The following GUCY2C variants were observed in gnomAD, a reference collection of about 807,000 sequenced individuals.
The protein encoded by GUCY2C is guanylate cyclase 2C, also known as guanylyl cyclase C.
GUCY2C carries 118 observed loss-of-function variants against 131.1 expected under a neutral mutation model. The ratio of observed to expected loss-of-function variants is 0.90; its 90% CI spans 0.78 to 1.05. The LOEUF is 1.05. GUCY2C is among the 50% of genes least tolerant of loss of function. The pLI, the probability that GUCY2C is intolerant of heterozygous loss-of-function variation, is 0.00. For missense variants in GUCY2C, 1,161 were observed against 1,304.4 expected (o/e 0.89, Z 1.69); for synonymous variants, 452 against 457.8 (o/e 0.99, Z 0.16).
intron 4 of GUCY2C, 114 bp from the exon 5 acceptor site, chr12:14,681,591 G>T: frequency 1.2e-6 from 1 of 839,540 alleles, no homozygotes; most frequent in Non-Finnish European, 1.9e-6. Context: ...ATTCATTTCT[G>T]CTATTAACAC....
At chr12:14,668,082 C>T (rs928617610) in intron 10 of GUCY2C, among the ~76,000 whole-genome samples, 13 of 146,510 alleles carry the variant, frequency 8.9e-5, no homozygotes, top group Non-Finnish European at 1.5e-4. Flanking sequence ...TGGCTCACTG[C>T]AGCCCCAACT....
chr12:14,619,552 A>G (rs925925829), intron 23 of GUCY2C, among the ~76,000 whole-genome samples: 1 of 152,242 alleles, frequency 6.6e-6, no homozygotes, highest in Non-Finnish European at 1.5e-5. Flanking sequence ...TTTGTAGCAA[A>G]TAGGAAGGCA....
intron 4 of GUCY2C, among the ~76,000 whole-genome samples, chr12:14,682,384 TTTTCCTTCC>T (rs1948365101): frequency 6.6e-6 from 1 of 152,114 alleles, no homozygotes; most frequent in Non-Finnish European, 1.5e-5. Context: ...TGCTTAGCAC[TTTTCCTTCC>T]TGCCACCTTT....
rs138381321 is a variant in GUCY2C at position 14,653,464 on chromosome 12, T to C, written c.1471-450A>G. ...GGGAAGCAGTACTGTCAGCTCTGGGTTCAGCCCGAAGTTGCTAAATCATCT... is the reference window on the plus strand; with the variant it reads ...GGGAAGCAGTACTGTCAGCTCTGGGCTCAGCCCGAAGTTGCTAAATCATCT... On this transcript the variant is annotated intron_variant, in intron 12 of 26. Coordinates refer to ENST00000261170, the MANE Select transcript of GUCY2C (RefSeq NM_004963.4). 3.2e-3 allele frequency among the ~76,000 whole-genome samples: 485 copies of C among 152,334 alleles called. 1 individual carries two copies. The highest frequency in any genetic ancestry group is 5.0e-3 in the Non-Finnish European group (338 of 68,022).
chr12:14,654,589 A>G (rs1389598964), intron 12 of GUCY2C, among the ~76,000 whole-genome samples: 2 of 152,236 alleles, frequency 1.3e-5, no homozygotes, highest in Non-Finnish European at 2.9e-5. Flanking sequence ...AAAATTTTGT[A>G]AAGAAACTGA....
chr12:14,678,670 C>G (rs138464940), intron 6 of GUCY2C, among the ~76,000 whole-genome samples: 10 of 152,244 alleles, frequency 6.6e-5, no homozygotes, highest in African/African-American at 2.4e-4. Context: ...GTGAAATGAT[C>G]AGGCAAATAT....
chr12:14,627,710 C>T (rs894453249), intron 20 of GUCY2C, among the ~76,000 whole-genome samples: 5 of 152,034 alleles, frequency 3.3e-5, no homozygotes, highest in Non-Finnish European at 1.5e-5. Context: ...GACCCAGTTT[C>T]TTCATGAGCA....
chr12:14,675,842 C>T (rs1406746800), intron 7 of GUCY2C, among the ~76,000 whole-genome samples: 5 of 152,210 alleles, frequency 3.3e-5, no homozygotes, highest in African/African-American at 1.2e-4. Flanking sequence ...ATATTACACT[C>T]AGAATTATAT....
At chr12:14,637,023 G>A (rs1592096051) in intron 19 of GUCY2C, among the ~76,000 whole-genome samples, 3 of 151,674 alleles carry the variant, frequency 2.0e-5, no homozygotes, top group Admixed American at 1.3e-4. Context: ...AACCTGGGAG[G>A]CGGAGGTTGC....
At position 14,660,842 on chromosome 12, in the gene GUCY2C, C is replaced by A. The variant is rs140189795; in HGVS notation, c.1364+139G>T. ...TCTGCCCTTCAGTTAGTCTTTGATG[C>A]AGAATGTCTTCATTATCTTAGGTCA... On this transcript the variant is annotated intron_variant, in intron 11 of 26. Coordinates refer to ENST00000261170, the MANE Select transcript of GUCY2C (RefSeq NM_004963.4). 95 of 636,046 alleles carry A rather than the reference C, an allele frequency of 1.5e-4. No individual in the cohort carries two copies. In the African/African-American group the frequency reaches 1.6e-3, roughly 10 times the overall value. The allele number at this position is 636,046 out of a possible 1,614,324, so 39.4% of individuals were successfully genotyped here. A position where few individuals can be genotyped will look rare whatever the true frequency, so the allele number is the denominator to read the frequency against.
chr12:14,647,003 C>T lies in GUCY2C; in HGVS notation c.1711-1688G>A, dbSNP rs574716466. On this transcript the variant is annotated intron_variant, in intron 15 of 26. Transcript: ENST00000261170. ...TTGTTATGAAGATTAAAGATGGCTT[C>T]CTTCAGGAAATGGCTGTTGAGCTGA... Among the ~76,000 whole-genome samples the T allele has an allele frequency of 7.6e-4, 116 of 152,212 alleles. 1 individual carries two copies. Among genetic ancestry groups the T allele is most frequent in the African/African-American group, 2.8e-3 (115 of 41,524 alleles).
intron 19 of GUCY2C, among the ~76,000 whole-genome samples, chr12:14,634,276 A>T (rs1947214682): frequency 6.6e-6 from 1 of 152,236 alleles, no homozygotes; most frequent in Non-Finnish European, 1.5e-5. Context: ...AGGATACTAT[A>T]TCCAGCAAAC....
chr12:14,656,543 TC>T lies in GUCY2C; in HGVS notation c.1438del (p.Glu480ArgfsTer34). Reference sequence around the variant, plus strand: ...GCTAACATGATTGGTCTCATTGGTCTCCAGAGGAAAGATATTTTCAGGAGGA... The same window carrying T: ...GCTAACATGATTGGTCTCATTGGTCTCAGAGGAAAGATATTTTCAGGAGGA... ...HIPPENIFPL[E>X]TNETNHVSLK... On this transcript the variant is annotated frameshift_variant, in exon 12 of 27. Coordinates refer to ENST00000261170, the MANE Select transcript of GUCY2C (RefSeq NM_004963.4). LOFTEE classifies it high-confidence loss of function. 6.3e-7 allele frequency: 1 copy of T among 1,598,394 alleles called. No homozygotes were observed. Among genetic ancestry groups the T allele is most frequent in the Non-Finnish European group, 8.6e-7 (1 of 1,165,786 alleles).
Position 14,613,114 on chromosome 12 carries a change from G to T in GUCY2C, c.*3C>A. ...TGTGTGAGTCCTTATACCTCATTTA[G>T]GTTTAAAAATAGGTGCTCTCCTTGT... is the stretch of plus-strand genomic sequence containing the variant. On this transcript the variant is annotated 3_prime_UTR_variant, in exon 27 of 27. Coordinates refer to ENST00000261170, the MANE Select transcript of GUCY2C (RefSeq NM_004963.4). This position sits in a 1 kb window ranked among gnomAD's most constrained non-coding sequence, Gnocchi z 4.9. 6.2e-7 allele frequency: 1 copy of T among 1,610,988 alleles called. No individual in the cohort carries two copies.
chr12:14,617,679 T>C (rs1017222427), intron 24 of GUCY2C, among the ~76,000 whole-genome samples: 4 of 152,190 alleles, frequency 2.6e-5, no homozygotes, highest in Non-Finnish European at 5.9e-5. Flanking sequence ...AGGGGCCTAA[T>C]AGCAATACCA....
intron 21 of GUCY2C, 144 bp downstream of exon 21, chr12:14,625,613 G>C (rs1286791911): frequency 2.6e-6 from 2 of 765,316 alleles, no homozygotes; most frequent in South Asian, 2.0e-5. Flanking sequence ...GATTACAGGC[G>C]TGAGCCTCCG....
chr12:14,614,809 A>T, intron 26 of GUCY2C, 58 bp downstream of exon 26: 1 of 1,052,068 alleles, frequency 9.5e-7, no homozygotes, highest in South Asian at 1.4e-5. Context: ...ATTGGCTGTA[A>T]CTAACAAAGC....
intron 1 of GUCY2C, among the ~76,000 whole-genome samples, chr12:14,691,665 A>G (rs148391220): frequency 5.3e-4 from 80 of 152,258 alleles, no homozygotes; most frequent in African/African-American, 1.9e-3. Flanking sequence ...GGGACAGTGA[A>G]AATGACACTT....
chr12:14,691,675 TA>T (rs1948576630), intron 1 of GUCY2C, among the ~76,000 whole-genome samples: 1 of 152,078 alleles, frequency 6.6e-6, no homozygotes, highest in South Asian at 2.1e-4. Context: ...AAATGACACT[TA>T]AAAATCCAGT....
Sources: allele counts gnomAD v4.1 joint callset (sites outside exome capture counted in the v4.1 genomes callset), GRCh38; gene constraint gnomAD v4.1.1; non-coding constraint Gnocchi (gnomAD v3.1); transcripts MANE v1.5; gene names NCBI Gene and HGNC (gene_info 2026-07-23, HGNC 2026-07-21).